Variants in ATL2 observed in about 807,000 individuals in gnomAD.
ATL2 encodes the protein atlastin-2.
A neutral mutation model predicts 73.9 loss-of-function variants in ATL2; 31 were observed. The ratio of observed to expected loss-of-function variants is 0.42; its 90% CI spans 0.32 to 0.57. The LOEUF (loss-of-function observed/expected upper bound fraction) is 0.57. ATL2 is among the 20% of genes least tolerant of loss of function. ATL2 has a pLI of 0.14. For synonymous variants in ATL2, 291 were observed against 237.5 expected (o/e 1.23, Z -2.07); for missense variants, 738 against 702.6 (o/e 1.05, Z -0.57).
chr2:38,370,599 G>A (rs562381253), intron 1 of ATL2, among the ~76,000 whole-genome samples: 5 of 151,792 alleles, frequency 3.3e-5, no homozygotes, highest in Non-Finnish European at 7.4e-5. Context: ...GGTAAGACCC[G>A]TCTCTACTAA....
chr2:38,369,297 A>G (rs987868772), intron 1 of ATL2, among the ~76,000 whole-genome samples: 1 of 151,872 alleles, frequency 6.6e-6, no homozygotes, highest in Non-Finnish European at 1.5e-5. Flanking sequence ...CTAAAAATAC[A>G]AAATTAGCTG....
chr2:38,324,198 A>T (rs981962694), intron 2 of ATL2, among the ~76,000 whole-genome samples: 1 of 152,228 alleles, frequency 6.6e-6, no homozygotes, highest in Non-Finnish European at 1.5e-5. Flanking sequence ...AAATCGCTTG[A>T]ACCCGGGAGG....
intron 1 of ATL2, among the ~76,000 whole-genome samples, chr2:38,347,444 T>A (rs1489836927): frequency 6.6e-6 from 1 of 152,230 alleles, no homozygotes; most frequent in Non-Finnish European, 1.5e-5. Context: ...TCAGCTCAAA[T>A]GTTATCTCCT....
chr2:38,335,146 A>C (rs1669279358), intron 2 of ATL2, among the ~76,000 whole-genome samples: 1 of 151,684 alleles, frequency 6.6e-6, no homozygotes, highest in African/African-American at 2.4e-5. Context: ...TGCTGATGGA[A>C]GTGTAAAATT....
intron 9 of ATL2, among the ~76,000 whole-genome samples, chr2:38,306,029 C>T (rs1667430531): frequency 6.6e-6 from 1 of 151,842 alleles, no homozygotes; most frequent in African/African-American, 2.4e-5. Flanking sequence ...AGAGATGACC[C>T]AAATAAATAA....
intron 1 of ATL2, among the ~76,000 whole-genome samples, chr2:38,371,765 G>A (rs1256672271): frequency 6.6e-6 from 1 of 152,082 alleles, no homozygotes; most frequent in Non-Finnish European, 1.5e-5. Context: ...GGACGTGGTG[G>A]CACGCGTCTG....
chr2:38,299,564 A>G (rs990754851), intron 10 of ATL2, among the ~76,000 whole-genome samples: 10 of 152,202 alleles, frequency 6.6e-5, no homozygotes, highest in Non-Finnish European at 5.9e-5. Flanking sequence ...GTGTGTCTGC[A>G]GAAAACACCA....
At chr2:38,371,754 T>C (rs1671701560) in intron 1 of ATL2, among the ~76,000 whole-genome samples, 1 of 151,892 alleles carries the variant, frequency 6.6e-6, no homozygotes, top group Non-Finnish European at 1.5e-5. Context: ...AAAAATTAGC[T>C]GGACGTGGTG....
chr2:38,311,615 T>C (rs1667758830), intron 7 of ATL2, among the ~76,000 whole-genome samples: 1 of 152,210 alleles, frequency 6.6e-6, no homozygotes, highest in African/African-American at 2.4e-5. Context: ...ACATTCTGTA[T>C]GTGATTCCAT....
intron 12 of ATL2, chr2:38,296,737 G>C: frequency 6.4e-7 from 1 of 1,551,562 alleles, no homozygotes; most frequent in Non-Finnish European, 8.7e-7. Context: ...AAGAAATTTA[G>C]ACAAGGTTTG....
chr2:38,324,275 T>C (rs1040813418), intron 2 of ATL2, among the ~76,000 whole-genome samples: 1 of 151,704 alleles, frequency 6.6e-6, no homozygotes, highest in Non-Finnish European at 1.5e-5. Flanking sequence ...CGAAACTCAG[T>C]CTCAAAAAAA....
chr2:38,342,964 C>T (rs2124407667), intron 2 of ATL2, among the ~76,000 whole-genome samples: 1 of 149,556 alleles, frequency 6.7e-6, no homozygotes, highest in Admixed American at 6.6e-5. Flanking sequence ...AGTGAGACCC[C>T]CATAGCTACA....
intron 1 of ATL2, among the ~76,000 whole-genome samples, chr2:38,355,964 T>C (rs1670642697): frequency 6.6e-6 from 1 of 151,954 alleles, no homozygotes; most frequent in East Asian, 1.9e-4. Context: ...CCCAAAGTGC[T>C]GGGATTACAG....
chr2:38,354,662 G>A (rs1670557079), intron 1 of ATL2, among the ~76,000 whole-genome samples: 1 of 152,138 alleles, frequency 6.6e-6, no homozygotes, highest in African/African-American at 2.4e-5. Flanking sequence ...GGCCAAGGCA[G>A]GAGAATCACC....
At chr2:38,300,138 T>C (rs1667107818) in intron 10 of ATL2, 134 bp downstream of exon 10, 2 of 699,470 alleles carry the variant, frequency 2.9e-6, no homozygotes, top group East Asian at 2.7e-5. Context: ...CCACGACACA[T>C]ACGGCCTTAA....
At chr2:38,322,418 C>G (rs1668377241) in intron 2 of ATL2, among the ~76,000 whole-genome samples, 1 of 152,064 alleles carries the variant, frequency 6.6e-6, no homozygotes, top group South Asian at 2.1e-4. Flanking sequence ...ATTTCTTAAA[C>G]AAACAAAAAA....
chr2:38,346,562 G>A (rs1421019021), intron 1 of ATL2, among the ~76,000 whole-genome samples: 1 of 152,166 alleles, frequency 6.6e-6, no homozygotes, highest in Non-Finnish European at 1.5e-5. Context: ...GGGGAGCAGT[G>A]GTTTCAGGAT....
chr2:38,300,430 A>T, intron 9 of ATL2, 102 bp from the exon 10 acceptor site: 1 of 752,576 alleles, frequency 1.3e-6, no homozygotes, highest in Non-Finnish European at 2.2e-6. Flanking sequence ...TAACACCATT[A>T]AAAGTAAATT....
At chr2:38,301,567 T>C (rs1667193048) in intron 9 of ATL2, among the ~76,000 whole-genome samples, 1 of 152,204 alleles carries the variant, frequency 6.6e-6, no homozygotes, top group Non-Finnish European at 1.5e-5. Context: ...ACAATCTATG[T>C]GCTTAGGGAA....
Sources: gnomAD v4.1 joint callset for allele counts (sites outside exome capture counted in the v4.1 genomes callset) on GRCh38, gnomAD v4.1.1 for gene constraint, MANE v1.5 for transcripts, NCBI Gene and HGNC (gene_info 2026-07-23, HGNC 2026-07-21) for gene names.